The following KCNB2 variants were observed in gnomAD, a reference collection of about 807,000 sequenced individuals.
The protein encoded by KCNB2 is delayed rectifier potassium channel protein.
In KCNB2, 15 loss-of-function variants were observed where a neutral mutation model predicts 61.5. The observed-to-expected ratio is 0.24, with a 90% CI of 0.16 to 0.38. The LOEUF (loss-of-function observed/expected upper bound fraction) is 0.38, where lower values mean the gene tolerates loss of function less well. Ranked by LOEUF, KCNB2 falls within the 10% of genes least tolerant of loss-of-function variation. KCNB2 has a pLI of 1.00. For synonymous variants in KCNB2, 457 were observed against 446.0 expected (o/e 1.02, Z -0.31); for missense variants, 828 against 1,125.2 (o/e 0.74, Z 3.78).
intron 2 of KCNB2, among the ~76,000 whole-genome samples, chr8:72,894,823 A>T (rs1805963409): frequency 2.0e-5 from 3 of 152,146 alleles, no homozygotes; most frequent in Non-Finnish European, 4.4e-5. Flanking sequence ...TTTGCATTGC[A>T]TATTTTAGAC....
chr8:72,934,439 G>A (rs1383287853), intron 2 of KCNB2, among the ~76,000 whole-genome samples: 4 of 146,784 alleles, frequency 2.7e-5, no homozygotes, highest in African/African-American at 1.0e-4. Flanking sequence ...AGAGGAGAAA[G>A]GAGGAAGTGA....
chr8:72,712,998 A>G (rs181605455), intron 2 of KCNB2, among the ~76,000 whole-genome samples: 7 of 152,342 alleles, frequency 4.6e-5, no homozygotes, highest in Admixed American at 2.6e-4. Context: ...AACAAATGGC[A>G]CACCAGGAGA....
intron 2 of KCNB2, among the ~76,000 whole-genome samples, chr8:72,846,567 G>GA (rs369361332): frequency 0.016 from 2,350 of 148,420 alleles, 55 homozygotes; most frequent in African/African-American, 0.052. Flanking sequence ...CAAAAAAAAA[G>GA]AAAAAAAAAA....
At chr8:72,671,260 C>T (rs1806559840) in intron 2 of KCNB2, among the ~76,000 whole-genome samples, 1 of 152,146 alleles carries the variant, frequency 6.6e-6, no homozygotes, top group Non-Finnish European at 1.5e-5. Context: ...GATGCAAATA[C>T]CTCAACATGG....
chr8:72,743,786 A>G (rs2128994834), intron 2 of KCNB2, among the ~76,000 whole-genome samples: 1 of 152,192 alleles, frequency 6.6e-6, no homozygotes, highest in East Asian at 1.9e-4. Flanking sequence ...TATTATACAG[A>G]TTCAACTATA....
chr8:72,546,159 G>A (rs1416046209), intron 1 of KCNB2, among the ~76,000 whole-genome samples: 1 of 147,822 alleles, frequency 6.8e-6, no homozygotes, highest in African/African-American at 2.5e-5. Context: ...CAGAAGAAAA[G>A]TTCAAAGCTA....
intron 2 of KCNB2, among the ~76,000 whole-genome samples, chr8:72,803,724 T>C (rs960973154): frequency 6.6e-6 from 1 of 152,152 alleles, no homozygotes; most frequent in Non-Finnish European, 1.5e-5. Flanking sequence ...GAGGATGCAA[T>C]GCTGAGAGAA....
At chr8:72,752,268 A>G (rs183516652) in intron 2 of KCNB2, among the ~76,000 whole-genome samples, 1 of 152,330 alleles carries the variant, frequency 6.6e-6, no homozygotes, top group Admixed American at 6.5e-5. Context: ...CATAGAAGCT[A>G]TGATAGTTAA....
chr8:72,931,275 A>T (rs1450510602), intron 2 of KCNB2, among the ~76,000 whole-genome samples: 1 of 152,158 alleles, frequency 6.6e-6, no homozygotes, highest in East Asian at 1.9e-4. Flanking sequence ...TGACTTGGCA[A>T]TGGGGGCTCT....
chr8:72,632,360 C>T (rs1402138987), intron 2 of KCNB2, among the ~76,000 whole-genome samples: 1 of 152,162 alleles, frequency 6.6e-6, no homozygotes, highest in Non-Finnish European at 1.5e-5. Flanking sequence ...TGTATTGGCA[C>T]ACAGCCACAC....
intron 2 of KCNB2, among the ~76,000 whole-genome samples, chr8:72,654,197 C>T (rs1806255792): frequency 6.6e-6 from 1 of 152,174 alleles, no homozygotes; most frequent in African/African-American, 2.4e-5. Flanking sequence ...AGGGTCTTCT[C>T]TTTGCTTCTG....
chr8:72,853,896 T>A lies in KCNB2; in HGVS notation c.580-82039T>A, dbSNP rs1810161721. Among the ~76,000 whole-genome samples, 3 of 152,324 alleles carry A rather than the reference T, an allele frequency of 2.0e-5. No individual in the cohort carries two copies. The South Asian group carries it at 6.2e-4, about 32-fold the overall frequency. ...CTGCTTATGTTAAAATTTTAAGTAG[T>A]GTTTTTCCATACAAGTAGATAGATA... On this transcript the variant is annotated intron_variant, in intron 2 of 2. Coordinates refer to ENST00000523207, the MANE Select transcript of KCNB2 (RefSeq NM_004770.3).
intron 2 of KCNB2, among the ~76,000 whole-genome samples, chr8:72,741,027 AAATACTGTTG>A (rs1456616125): frequency 1.3e-5 from 2 of 152,202 alleles, no homozygotes; most frequent in East Asian, 3.8e-4. Context: ...TGAAATACCG[AAATACTGTTG>A]ATTACTAAAA....
At chr8:72,905,755 A>C (rs577215402) in intron 2 of KCNB2, among the ~76,000 whole-genome samples, 1 of 152,288 alleles carries the variant, frequency 6.6e-6, no homozygotes, top group East Asian at 1.9e-4. Context: ...GTTTTCCAAA[A>C]GCCTGACTTT....
intron 2 of KCNB2, among the ~76,000 whole-genome samples, chr8:72,838,315 C>T (rs191215906): frequency 2.0e-3 from 298 of 152,236 alleles, no homozygotes; most frequent in Admixed American, 5.1e-3. Context: ...CTCCCTGTGT[C>T]CATGTGTTCT....
intron 2 of KCNB2, among the ~76,000 whole-genome samples, chr8:72,658,251 A>G (rs759180236): frequency 3.2e-4 from 49 of 152,210 alleles, no homozygotes; most frequent in Non-Finnish European, 4.1e-4. Flanking sequence ...CAACACACAA[A>G]TAATAAGAAA....
chr8:72,782,746 G>T (rs1365619875), intron 2 of KCNB2, among the ~76,000 whole-genome samples: 1 of 152,090 alleles, frequency 6.6e-6, no homozygotes, highest in East Asian at 1.9e-4. Context: ...CTGGCTGTGA[G>T]TGAAGTTCAA....
At chr8:72,692,734 A>G (rs970660960) in intron 2 of KCNB2, among the ~76,000 whole-genome samples, 4 of 150,920 alleles carry the variant, frequency 2.7e-5, no homozygotes, top group Middle Eastern at 3.5e-3. Context: ...ATTTGGCATT[A>G]TTAGTGCTAA....
chr8:72,742,560 G>A (rs1807980302), intron 2 of KCNB2, among the ~76,000 whole-genome samples: 2 of 152,280 alleles, frequency 1.3e-5, no homozygotes, highest in South Asian at 4.1e-4. Context: ...CTGGCTGGCT[G>A]ATCCCTCATG....
Sources: gnomAD v4.1 joint callset for allele counts (sites outside exome capture counted in the v4.1 genomes callset) on GRCh38, gnomAD v4.1.1 for gene constraint, MANE v1.5 for transcripts, NCBI Gene and HGNC (gene_info 2026-07-23, HGNC 2026-07-21) for gene names.